The following PID1 variants were observed in gnomAD, a reference collection of about 807,000 sequenced individuals.
The protein encoded by PID1 is phosphotyrosine interaction domain containing 1, also known as PTB-containing, cubilin and LRP1-interacting protein.
Under a neutral mutation model 19.1 loss-of-function variants are expected in PID1, and 10 were observed. The ratio of observed to expected loss-of-function variants is 0.52; its 90% confidence interval spans 0.32 to 0.89. PID1 has a LOEUF of 0.89. PID1 is among the 40% of genes least tolerant of loss of function. PID1 has a pLI of 0.03. For missense variants in PID1, 248 were observed against 285.3 expected (o/e 0.87, Z 0.94); for synonymous variants, 130 against 116.0 (o/e 1.12, Z -0.78).
chr2:229,185,016 C>A (rs1691092793), intron 1 of PID1, among the ~76,000 whole-genome samples: 2 of 142,382 alleles, frequency 1.4e-5, no homozygotes, highest in Non-Finnish European at 1.5e-5. Flanking sequence ...ACTATATATA[C>A]TATATGTATA....
At chr2:229,169,738 A>T (rs551927212) in intron 1 of PID1, among the ~76,000 whole-genome samples, 3 of 152,180 alleles carry the variant, frequency 2.0e-5, no homozygotes, top group African/African-American at 7.2e-5. Flanking sequence ...TCTTACAGAT[A>T]TATTAACCCT....
chr2:229,265,139 G>A (rs188755886), intron 1 of PID1, among the ~76,000 whole-genome samples: 27 of 151,954 alleles, frequency 1.8e-4, no homozygotes, highest in African/African-American at 3.6e-4. Context: ...CTTTTTTTTC[G>A]TTATTTTTTT....
In PID1 at chr2:229,071,383, G is replaced by T. The variant is rs192521490; in HGVS notation, c.178-45275C>A. ...TGTTGTTGTTGGGGTTGTTGCTGAT[G>T]CCTTTGGTGTGGTCACTGTTGAATA... On this transcript the variant is annotated intron_variant, in intron 2 of 2. Transcript: ENST00000392055. Among the ~76,000 whole-genome samples, 379 of 152,334 alleles carry T rather than the reference G, an allele frequency of 2.5e-3. 1 individual carries two copies. The highest frequency in any genetic ancestry group is 4.0e-3 in the Non-Finnish European group (273 of 68,034).
At chr2:229,203,364 C>T (rs1483859948) in intron 1 of PID1, among the ~76,000 whole-genome samples, 3 of 152,068 alleles carry the variant, frequency 2.0e-5, no homozygotes, top group African/African-American at 7.2e-5. Context: ...CTAATGTCAT[C>T]AATAGGCTCT....
At chr2:229,238,559 T>C (rs572877838) in intron 1 of PID1, among the ~76,000 whole-genome samples, 124 of 152,294 alleles carry the variant, frequency 8.1e-4, no homozygotes, top group African/African-American at 2.7e-3. Context: ...AAGTACAGCA[T>C]TCCCTCTCCT....
At chr2:229,208,502 C>G (rs1326987577) in intron 1 of PID1, among the ~76,000 whole-genome samples, 2 of 152,152 alleles carry the variant, frequency 1.3e-5, no homozygotes, top group Non-Finnish European at 2.9e-5. Context: ...GATTATGAAA[C>G]ATATTCATGC....
At chr2:229,146,470 T>G (rs1274293055) in intron 2 of PID1, among the ~76,000 whole-genome samples, 1 of 152,124 alleles carries the variant, frequency 6.6e-6, no homozygotes, top group Non-Finnish European at 1.5e-5. Flanking sequence ...GTTCTGCACA[T>G]GTATCCCAGA....
At chr2:229,077,267 G>T (rs1214853326) in intron 2 of PID1, among the ~76,000 whole-genome samples, 1 of 152,044 alleles carries the variant, frequency 6.6e-6, no homozygotes. Flanking sequence ...TAAGTTCCTT[G>T]TAGGTTCTAG....
chr2:229,192,185 C>T lies in PID1; in HGVS notation c.31-36221G>A, dbSNP rs143595282. Among the ~76,000 whole-genome samples the T allele has an allele frequency of 4.9e-3, 748 of 152,310 alleles. 9 individuals are homozygous for T. The highest frequency in any genetic ancestry group is 0.017 in the African/African-American group (704 of 41,572). ...AAGAGGAAGACTAGCTCTTTCAATACACAACACGGTTTGACAGTTGTCCTA... is the reference window on the plus strand; with the variant it reads ...AAGAGGAAGACTAGCTCTTTCAATATACAACACGGTTTGACAGTTGTCCTA... On this transcript the variant is annotated intron_variant, in intron 1 of 2. Coordinates refer to ENST00000392055, the MANE Select transcript of PID1 (RefSeq NM_001100818.2).
intron 1 of PID1, among the ~76,000 whole-genome samples, chr2:229,258,155 A>C (rs1192072684): frequency 6.6e-6 from 1 of 152,230 alleles, no homozygotes; most frequent in African/African-American, 2.4e-5. Context: ...GTCAGCTGGA[A>C]CACCAACATG....
chr2:229,069,471 C>T (rs1694408483), intron 2 of PID1, among the ~76,000 whole-genome samples: 1 of 152,046 alleles, frequency 6.6e-6, no homozygotes, highest in South Asian at 2.1e-4. Context: ...GAAAACAGTC[C>T]TACCACACTG....
chr2:229,249,357 T>A (rs1690086849), intron 1 of PID1, among the ~76,000 whole-genome samples: 1 of 152,192 alleles, frequency 6.6e-6, no homozygotes, highest in Non-Finnish European at 1.5e-5. Flanking sequence ...AAAATTCTTC[T>A]CTTAGCATGC....
chr2:229,185,008 T>C (rs1691092379), intron 1 of PID1, among the ~76,000 whole-genome samples: 1 of 144,570 alleles, frequency 6.9e-6, no homozygotes, highest in Admixed American at 7.1e-5. Context: ...ATATATACAC[T>C]ATATATACTA....
chr2:229,054,713 TG>T (rs1694060526), intron 2 of PID1, among the ~76,000 whole-genome samples: 1 of 43,468 alleles, frequency 2.3e-5, no homozygotes, highest in South Asian at 1.4e-3. Flanking sequence ...AGTGTGTGTG[TG>T]TGTGTGGGGG....
intron 1 of PID1, among the ~76,000 whole-genome samples, chr2:229,159,313 C>G (rs1474742804): frequency 1.3e-5 from 2 of 152,128 alleles, no homozygotes; most frequent in Non-Finnish European, 2.9e-5. Context: ...CTTGGCTAGG[C>G]TACCATGCCC....
intron 2 of PID1, among the ~76,000 whole-genome samples, chr2:229,133,200 C>T (rs1689780886): frequency 6.6e-6 from 1 of 152,238 alleles, no homozygotes; most frequent in African/African-American, 2.4e-5. Context: ...TTTCTAATTA[C>T]ACCTTGATCC....
Position 229,025,369 on chromosome 2 carries a change from T to G in PID1, c.*263A>C. 5 of 355,438 alleles carry G rather than the reference T, an allele frequency of 1.4e-5. No individual in the cohort carries two copies. The highest frequency in any genetic ancestry group is 2.4e-5 in the Non-Finnish European group (5 of 209,940). 22.0% of individuals were successfully genotyped at this position (355,438 alleles called of 1,614,324 possible). ...TCTCCCACAGAGAGGCATTGGGAAA[T>G]GAGAAAAATAAGAGAGCCTAGAACC... On this transcript the variant is annotated 3_prime_UTR_variant, in exon 3 of 3. Coordinates refer to ENST00000392055, the MANE Select transcript of PID1 (RefSeq NM_001100818.2).
chr2:229,265,954 G>A (rs1362245), intron 1 of PID1, among the ~76,000 whole-genome samples: 32,961 of 152,102 alleles, frequency 0.22, 4,204 homozygotes, highest in Non-Finnish European at 0.28. Flanking sequence ...TAAGCAAGGG[G>A]CACAGAGTTT....
intron 2 of PID1, among the ~76,000 whole-genome samples, chr2:229,027,214 T>C (rs148213677): frequency 6.6e-6 from 1 of 152,214 alleles, no homozygotes; most frequent in African/African-American, 2.4e-5. Context: ...AACACAGAAG[T>C]TAAGGACTAT....
Sources: gnomAD v4.1 joint callset for allele counts (sites outside exome capture counted in the v4.1 genomes callset) on GRCh38, gnomAD v4.1.1 for gene constraint, MANE v1.5 for transcripts, NCBI Gene and HGNC (gene_info 2026-07-23, HGNC 2026-07-21) for gene names.